The following ATM variants were observed in gnomAD, a reference collection of about 807,000 sequenced individuals.
ATM encodes ATM serine/threonine kinase, also known as serine-protein kinase ATM.
ATM carries 308 observed loss-of-function variants against 387.0 expected under a neutral mutation model. That is an observed-to-expected ratio of 0.80 (90% CI 0.73 to 0.87). ATM has a LOEUF of 0.87. ATM is among the 40% of genes least tolerant of loss of function. ATM has a pLI of 0.00. For synonymous variants in ATM, 1,156 were observed against 1,187.3 expected, an observed-to-expected ratio of 0.97 and a Z score of 0.54; for missense variants, 3,312 against 3,560.9, an observed-to-expected ratio of 0.93 and a Z score of 1.78.
At chr11:108,274,387 T>G (rs531808584) in intron 22 of ATM, among the ~76,000 whole-genome samples, 1 of 152,266 alleles carries the variant, frequency 6.6e-6, no homozygotes, top group East Asian at 1.9e-4. Context: ...GCTCTGATCT[T>G]AGTTATTTCT....
At chr11:108,335,150 T>C (rs764809565) in intron 55 of ATM, 41 bp downstream of exon 55, 16 of 1,613,052 alleles carry the variant, frequency 9.9e-6, no homozygotes, top group Non-Finnish European at 4.2e-6. Flanking sequence ...AGAGTTTTAG[T>C]GATGAAAATT....
At chr11:108,313,521 T>G (rs2084349512) in intron 40 of ATM, among the ~76,000 whole-genome samples, 1 of 152,242 alleles carries the variant, frequency 6.6e-6, no homozygotes, top group Non-Finnish European at 1.5e-5. Flanking sequence ...CCTTAATGTT[T>G]TATTAATACT....
Position 108,358,690 on chromosome 11 carries a change from A to G in ATM, c.8850+3816A>G, listed in dbSNP as rs1052891788. Among the ~76,000 whole-genome samples the G allele has an allele frequency of 1.3e-4, 19 of 150,202 alleles. No homozygotes were observed. In the Admixed American group the frequency reaches 1.3e-3, roughly 10 times the overall value. On this transcript the variant is annotated intron_variant, in intron 61 of 62. Coordinates refer to ENST00000675843, the MANE Select transcript of ATM (RefSeq NM_000051.4). ...TCAACCCAGAATTTCATATCCAGCC[A>G]AACTAAGCTTCATCAGTGAAGTAGA...
rs1468739528 is a variant in ATM at position 108,250,853 on chromosome 11, C to G, written c.1388C>G (p.Ala463Gly). ...PYVLRCLTEV[A>G]LCQDKRSNLE... is the part of the protein sequence containing the mutation. ...GTGTTACGATGCCTTACGGAAGTTG[C>G]ATTGTGTCAAGACAAGAGGTCAAAC... is the stretch of plus-strand genomic sequence containing the variant. Residue 463 changes from alanine to glycine, a missense_variant, in exon 10 of 63, where the codon GCA becomes GGA. Around this residue, in one of 4 missense-constraint regions of ATM, gnomAD observed 1,791 missense variants for 1,804.5 expected, o/e 0.99. Transcript: ENST00000675843. The G allele has an allele frequency of 3.1e-6, 5 of 1,614,104 alleles. No individual in the cohort carries two copies. The highest frequency in any genetic ancestry group is 4.2e-6 in the Non-Finnish European group (5 of 1,180,020).
chr11:108,357,488 G>T (rs1349736572), intron 61 of ATM, among the ~76,000 whole-genome samples: 1 of 152,224 alleles, frequency 6.6e-6, no homozygotes, highest in African/African-American at 2.4e-5. Flanking sequence ...CACCTCTGGG[G>T]GCAGGGCACA....
chr11:108,353,991 G>A, intron 60 of ATM, 111 bp downstream of exon 60: 1 of 1,082,516 alleles, frequency 9.2e-7, no homozygotes. Context: ...TGAAGTGGGA[G>A]GATTGTTTGA....
At chr11:108,282,602 A>G (rs1591640493) in intron 24 of ATM, 108 bp from the exon 25 acceptor site, 1 of 1,065,504 alleles carries the variant, frequency 9.4e-7, no homozygotes, top group Admixed American at 2.2e-5. Flanking sequence ...AATCAAGAAA[A>G]GTTGAATGAA....
At position 108,310,153 on chromosome 11, in the gene ATM, T is replaced by C. The variant is rs1555110216; in HGVS notation, c.5763-7T>C. The stretch of plus-strand genomic sequence containing the variant: ...AGTGAATGACATTATATCTCATTTT[T>C]CTTTAGACCTTCTTCAGGAACAATT... On this transcript the variant is annotated splice_polypyrimidine_tract_variant and splice_region_variant and intron_variant, in intron 38 of 62. Coordinates refer to ENST00000675843, the MANE Select transcript of ATM (RefSeq NM_000051.4). 1 of 1,612,248 alleles carries C rather than the reference T, an allele frequency of 6.2e-7. No individual in the cohort carries two copies.
rs1060501652 is a variant in ATM at position 108,310,311 on chromosome 11, A to C, written c.5914A>C (p.Lys1972Gln). The C allele has an allele frequency of 6.2e-7, 1 of 1,612,756 alleles. No individual in the cohort carries two copies. Among genetic ancestry groups the C allele is most frequent in the Non-Finnish European group, 8.5e-7 (1 of 1,179,204 alleles). ...TAAGAAAAGTATGGATGATCAAGAG[A>C]AAAGGTAATGGAATTTAGAATTTTT... The part of the protein sequence containing the change: ...ADKKSMDDQE[K>Q]RSLAFEEGSQ... Residue 1972 changes from lysine to glutamine, a missense_variant, in exon 39 of 63, where the codon AAA becomes CAA. Coordinates refer to ENST00000675843, the MANE Select transcript of ATM (RefSeq NM_000051.4).
At chr11:108,334,503 TAAGTTTAG>T (rs2136635769) in intron 54 of ATM, among the ~76,000 whole-genome samples, 1 of 152,322 alleles carries the variant, frequency 6.6e-6, no homozygotes, top group African/African-American at 2.4e-5. Context: ...ATAAGGGTTA[TAAGTTTAG>T]AAAATGATCA....
intron 15 of ATM, among the ~76,000 whole-genome samples, chr11:108,258,748 T>G (rs1019038462): frequency 4.6e-5 from 7 of 152,222 alleles, no homozygotes; most frequent in Non-Finnish European, 8.8e-5. Flanking sequence ...CCTATAATTA[T>G]AGCTCACTTA....
chr11:108,327,343 T>A, intron 47 of ATM: 3 of 330,470 alleles, frequency 9.1e-6, no homozygotes, highest in South Asian at 8.9e-5. Flanking sequence ...TTTAATAGGA[T>A]TCTTGTGAGA....
rs3218709 is a variant in ATM at position 108,284,513 on chromosome 11, G to T, written c.3993+40G>T. ...TTTATGTACTTTTCATTCCCTGAAT[G>T]ATATGAGATATAACCTTTAAGTTTT... On this transcript the variant is annotated intron_variant, in intron 26 of 62. Transcript: ENST00000675843. 8.2e-5 allele frequency: 132 copies of T among 1,608,012 alleles called. No individual in the cohort carries two copies. Among genetic ancestry groups the T allele is most frequent in the Non-Finnish European group, 8.1e-5 (95 of 1,175,328 alleles).
chr11:108,244,748 C>T (rs2135235325), intron 6 of ATM, 40 bp from the exon 7 acceptor site: 2 of 1,469,888 alleles, frequency 1.4e-6, no homozygotes, highest in Non-Finnish European at 1.9e-6. Context: ...CAGTTTGTTC[C>T]CCCTGTTATA....
rs558445102 is a variant in ATM at position 108,331,033 on chromosome 11, ACAGT to A, written c.7516-408_7516-405del. ...GAAAATAATAAGACTCATAATAGAT[ACAGT>A]CAATCTCTGCTGTAGTATACACTAA... On this transcript the variant is annotated intron_variant, in intron 50 of 62. Transcript: ENST00000675843. 5.3e-5 allele frequency among the ~76,000 whole-genome samples: 8 copies of A among 152,316 alleles called. No individual in the cohort carries two copies. The South Asian group carries it at 1.7e-3, about 32-fold the overall frequency.
chr11:108,280,954 T>C, intron 23 of ATM, 41 bp from the exon 24 acceptor site: 1 of 1,545,402 alleles, frequency 6.5e-7, no homozygotes, highest in Non-Finnish European at 8.8e-7. Flanking sequence ...TGTTAAACAT[T>C]TACATTTTAC....
At chr11:108,330,673 G>A (rs1209639827) in intron 50 of ATM, among the ~76,000 whole-genome samples, 1 of 152,174 alleles carries the variant, frequency 6.6e-6, no homozygotes, top group African/African-American at 2.4e-5. Flanking sequence ...AGTTTGTGTG[G>A]AGGTGATAGA....
At position 108,330,207 on chromosome 11, in the gene ATM, A is replaced by G. The variant is rs1476284330; in HGVS notation, c.7308-7A>G. On this transcript the variant is annotated splice_polypyrimidine_tract_variant and splice_region_variant and intron_variant, in intron 49 of 62. Coordinates refer to ENST00000675843, the MANE Select transcript of ATM (RefSeq NM_000051.4). ...TTTTGTGTTTTACCTTAATTATTCT[A>G]TGCAAGATACACAGTAAAGGTTCAG... 6.2e-7 allele frequency: 1 copy of G among 1,612,844 alleles called. No individual in the cohort carries two copies. The highest frequency in any genetic ancestry group is 1.1e-5 in the South Asian group (1 of 91,024).
chr11:108,234,965 C>A (rs2079194982), intron 4 of ATM, among the ~76,000 whole-genome samples: 1 of 152,072 alleles, frequency 6.6e-6, no homozygotes, highest in Non-Finnish European at 1.5e-5. Flanking sequence ...TAAATTCATT[C>A]TTCATAAAGA....
Sources: gnomAD v4.1 joint callset for allele counts (sites outside exome capture counted in the v4.1 genomes callset) on GRCh38, gnomAD v4.1.1 for gene constraint, gnomAD v4.1.1 regional missense constraint, MANE v1.5 for transcripts, NCBI Gene and HGNC (gene_info 2026-07-23, HGNC 2026-07-21) for gene names.